ABI3BP: variants seen among roughly 807,000 people sequenced by gnomAD.
ABI3BP encodes the protein ABI family member 3 binding protein.
A neutral mutation model predicts 268.6 loss-of-function variants in ABI3BP; 216 were observed. The ratio of observed to expected loss-of-function variants is 0.80; its 90% CI spans 0.72 to 0.90. The LOEUF (loss-of-function observed/expected upper bound fraction) is 0.90. ABI3BP is among the 40% of genes least tolerant of loss of function. The pLI, the probability that ABI3BP is intolerant of heterozygous loss-of-function variation, is 0.00. For synonymous variants in ABI3BP, 730 were observed against 730.0 expected (o/e 1.00, Z 0.00); for missense variants, 2,090 against 2,182.4 (o/e 0.96, Z 0.84).
intron 1 of ABI3BP, among the ~76,000 whole-genome samples, chr3:100,971,597 A>C (rs1016344305): frequency 6.6e-6 from 1 of 152,150 alleles, no homozygotes; most frequent in African/African-American, 2.4e-5. Flanking sequence ...TGGCCCCCAA[A>C]GACAAAACGT....
At chr3:100,938,442 AG>A (rs1443025984) in intron 1 of ABI3BP, among the ~76,000 whole-genome samples, 1 of 152,116 alleles carries the variant, frequency 6.6e-6, no homozygotes, top group Non-Finnish European at 1.5e-5. Flanking sequence ...ATCCAAGGAA[AG>A]GTATTAAAAG....
At chr3:100,969,670 G>A (rs150529190) in intron 1 of ABI3BP, among the ~76,000 whole-genome samples, 5 of 152,160 alleles carry the variant, frequency 3.3e-5, no homozygotes, top group African/African-American at 9.6e-5. Flanking sequence ...GCCAATCTAC[G>A]TCATCAAGAA....
chr3:100,752,810 A>G lies in ABI3BP; in HGVS notation c.5099T>C (p.Ile1700Thr). The change falls in exon 66 of 68, where the codon ATT becomes ACT. Residue 1700 changes from isoleucine to threonine, a missense_variant. Transcript: ENST00000471714. ...VQLCNSLRYK[I>T]YLSDSLTGKF... Reference sequence around the variant, plus strand: ...ACCTGTGAGGGAGTCGCTCAAGTAAATCTTGTATCTGAGAGAGTTGCACAG... The same window carrying G: ...ACCTGTGAGGGAGTCGCTCAAGTAAGTCTTGTATCTGAGAGAGTTGCACAG... 2.5e-6 allele frequency: 4 copies of G among 1,613,322 alleles called. No individual in the cohort carries two copies.
At chr3:100,757,186 C>A (rs2095665543) in intron 63 of ABI3BP, among the ~76,000 whole-genome samples, 1 of 151,946 alleles carries the variant, frequency 6.6e-6, no homozygotes, top group Non-Finnish European at 1.5e-5. Flanking sequence ...TGGTACCCAA[C>A]TAGTAGGAAT....
Position 100,830,110 on chromosome 3 carries a change from C to CAT in ABI3BP, c.2459-448_2459-447dup, listed in dbSNP as rs559297681. On this transcript the variant is annotated intron_variant, in intron 32 of 67. Coordinates refer to ENST00000471714, the MANE Select transcript of ABI3BP (RefSeq NM_001375547.2). Reference sequence around the variant, plus strand: ...ATACATATACATACATACATACATACATATATATATATATATATATATATA... The same window carrying CAT: ...ATACATATACATACATACATACATACATATATATATATATATATATATATATA... Among the ~76,000 whole-genome samples, 372 of 44,312 alleles carry CAT rather than the reference C, an allele frequency of 8.4e-3. 1 individual carries two copies. Among genetic ancestry groups the CAT allele is most frequent in the Non-Finnish European group, 0.01 (239 of 22,998 alleles). 29.1% of individuals were successfully genotyped at this position (44,312 alleles called of 152,430 possible). A position where few individuals can be genotyped will look rare whatever the true frequency, so the allele number is the denominator to read the frequency against.
intron 37 of ABI3BP, 82 bp downstream of exon 37, chr3:100,823,376 C>T (rs762071887): frequency 2.4e-6 from 3 of 1,239,074 alleles, no homozygotes; most frequent in African/African-American, 3.1e-5. Context: ...AAGAATGACA[C>T]TGTTGTCTCA....
At chr3:100,879,916 G>T (rs566643915) in intron 6 of ABI3BP, among the ~76,000 whole-genome samples, 7 of 152,220 alleles carry the variant, frequency 4.6e-5, no homozygotes, top group Admixed American at 4.6e-4. Context: ...TTTCCATTCA[G>T]AAATTCACAA....
At chr3:100,980,066 T>G (rs1054305005) in intron 1 of ABI3BP, among the ~76,000 whole-genome samples, 1 of 152,212 alleles carries the variant, frequency 6.6e-6, no homozygotes, top group Non-Finnish European at 1.5e-5. Flanking sequence ...TGGGATAATG[T>G]TCAAAATCAC....
intron 51 of ABI3BP, among the ~76,000 whole-genome samples, chr3:100,801,182 T>C (rs975151284): frequency 1.3e-5 from 2 of 152,010 alleles, no homozygotes; most frequent in African/African-American, 4.8e-5. Flanking sequence ...TGAACCAGCA[T>C]TGTACTTTGC....
intron 20 of ABI3BP, chr3:100,843,701 G>A: frequency 1.0e-6 from 1 of 984,268 alleles, no homozygotes; most frequent in Non-Finnish European, 1.2e-6. Context: ...TACCTCAGAT[G>A]CTATAGGACA....
At chr3:100,880,429 A>G (rs943966444) in intron 6 of ABI3BP, among the ~76,000 whole-genome samples, 2 of 152,192 alleles carry the variant, frequency 1.3e-5, no homozygotes, top group Non-Finnish European at 2.9e-5. Context: ...GGAAGTAAGC[A>G]TATTTCTTTC....
intron 6 of ABI3BP, among the ~76,000 whole-genome samples, chr3:100,883,447 G>A (rs1298216855): frequency 6.6e-6 from 1 of 152,018 alleles, no homozygotes; most frequent in Non-Finnish European, 1.5e-5. Flanking sequence ...AGACTATATA[G>A]TTCTAAAAAG....
chr3:100,869,601 G>A (rs1457183379), intron 9 of ABI3BP, among the ~76,000 whole-genome samples: 3 of 151,956 alleles, frequency 2.0e-5, no homozygotes, highest in Non-Finnish European at 4.4e-5. Context: ...TGATCCTCCT[G>A]CCTCAGCCTC....
At chr3:100,753,005 G>C (rs2095420331) in intron 65 of ABI3BP, 57 bp from the exon 66 acceptor site, 1 of 1,496,200 alleles carries the variant, frequency 6.7e-7, no homozygotes, top group African/African-American at 1.4e-5. Context: ...GATACTTCAA[G>C]AAATCAGTTT....
At chr3:100,990,012 T>C (rs916042576) in intron 1 of ABI3BP, among the ~76,000 whole-genome samples, 2 of 152,172 alleles carry the variant, frequency 1.3e-5, no homozygotes, top group African/African-American at 2.4e-5. Context: ...AGAGCAAAGG[T>C]GCAGCTTTCC....
At chr3:100,761,190 G>A (rs571712635) in intron 63 of ABI3BP, among the ~76,000 whole-genome samples, 2 of 152,292 alleles carry the variant, frequency 1.3e-5, no homozygotes, top group East Asian at 3.9e-4. Context: ...TACTGGGGAG[G>A]GTAGATGAGT....
chr3:100,866,395 T>C (rs1251548564), intron 10 of ABI3BP, among the ~76,000 whole-genome samples: 2 of 152,230 alleles, frequency 1.3e-5, no homozygotes, highest in Non-Finnish European at 2.9e-5. Flanking sequence ...GGATTGTTAC[T>C]GAACTATTCT....
chr3:100,982,106 G>A (rs181534903), intron 1 of ABI3BP, among the ~76,000 whole-genome samples: 56 of 152,252 alleles, frequency 3.7e-4, no homozygotes, highest in Admixed American at 1.2e-3. Context: ...ATGTGTGAGA[G>A]TGCAGGAAAA....
Position 100,758,749 on chromosome 3 carries a change from A to T in ABI3BP, c.4851-4058T>A, listed in dbSNP as rs539774662. Among the ~76,000 whole-genome samples the T allele has an allele frequency of 2.4e-3, 370 of 152,350 alleles. 3 individuals are homozygous for T. The highest frequency in any genetic ancestry group is 8.5e-3 in the African/African-American group (353 of 41,580). Reference sequence around the variant, plus strand: ...ACACCAACAGTTTGAGAGCAGCTGTAAAAATCAGCATGAGAACAAAAAAAC... The same window carrying T: ...ACACCAACAGTTTGAGAGCAGCTGTTAAAATCAGCATGAGAACAAAAAAAC... On this transcript the variant is annotated intron_variant, in intron 63 of 67. Coordinates refer to ENST00000471714, the MANE Select transcript of ABI3BP (RefSeq NM_001375547.2).
Sources: gnomAD v4.1 joint callset for allele counts (sites outside exome capture counted in the v4.1 genomes callset) on GRCh38, gnomAD v4.1.1 for gene constraint, MANE v1.5 for transcripts, NCBI Gene and HGNC (gene_info 2026-07-23, HGNC 2026-07-21) for gene names.